The following CADM2 variants were observed in gnomAD, a reference collection of about 807,000 sequenced individuals.
CADM2 encodes the protein cell adhesion molecule 2.
Under a neutral mutation model 49.8 loss-of-function variants are expected in CADM2, and 12 were observed. The ratio of observed to expected loss-of-function variants is 0.24; its 90% CI spans 0.15 to 0.39. The LOEUF (loss-of-function observed/expected upper bound fraction) is 0.39. Ranked by LOEUF, CADM2 falls within the 10% of genes least tolerant of loss-of-function variation. The probability of loss-of-function intolerance (pLI) is 1.00; values close to 1 mark genes in which losing one functional copy is unlikely to be tolerated. For missense variants in CADM2, 378 were observed against 492.3 expected (o/e 0.77, Z 2.20); for synonymous variants, 214 against 175.4 (o/e 1.22, Z -1.74).
At position 85,916,729 on chromosome 3, in the gene CADM2, T is replaced by A. The variant is rs1282578588; in HGVS notation, c.700+4186T>A. Among the ~76,000 whole-genome samples the A allele has an allele frequency of 2.0e-5, 3 of 151,930 alleles. No individual in the cohort carries two copies. In the East Asian group the frequency reaches 5.8e-4, roughly 29 times the overall value. On this transcript the variant is annotated intron_variant, in intron 6 of 9. Transcript: ENST00000383699. ...GTCAAATGGTATTTCTAGTTCTAGA[T>A]CCCTGAGGAATCACCACACTGACTT...
intron 1 of CADM2, among the ~76,000 whole-genome samples, chr3:85,242,675 CA>C (rs1345360119): frequency 1.3e-5 from 2 of 151,678 alleles, no homozygotes; most frequent in Non-Finnish European, 3.0e-5. Context: ...ATCATTGATA[CA>C]CTGGTATTTT....
intron 7 of CADM2, among the ~76,000 whole-genome samples, chr3:85,942,221 A>T (rs1191940702): frequency 6.6e-6 from 1 of 151,066 alleles, no homozygotes; most frequent in African/African-American, 2.4e-5. Context: ...AATAGTTGTT[A>T]AAAAAAATAC....
chr3:85,354,339 T>G (rs1405095978), intron 1 of CADM2, among the ~76,000 whole-genome samples: 2 of 110,306 alleles, frequency 1.8e-5, no homozygotes, highest in South Asian at 3.1e-4. Context: ...AACATCACAC[T>G]CCGGGGACTG....
At chr3:85,608,313 A>C (rs1456640426) in intron 1 of CADM2, among the ~76,000 whole-genome samples, 2 of 152,176 alleles carry the variant, frequency 1.3e-5, no homozygotes, top group African/African-American at 4.8e-5. Flanking sequence ...AGGGCCACCT[A>C]TTAATTAAGT....
intron 1 of CADM2, among the ~76,000 whole-genome samples, chr3:85,033,129 G>A (rs902717373): frequency 1.3e-5 from 2 of 152,074 alleles, no homozygotes; most frequent in African/African-American, 4.8e-5. Context: ...CCATTCTTCT[G>A]TGCTATCATT....
intron 1 of CADM2, among the ~76,000 whole-genome samples, chr3:85,567,318 T>A (rs2062295208): frequency 6.6e-6 from 1 of 152,190 alleles, no homozygotes; most frequent in South Asian, 2.1e-4. Flanking sequence ...TTTACTGCCT[T>A]ACTTTTCCAT....
At chr3:85,862,971 A>G (rs1220533056) in intron 3 of CADM2, among the ~76,000 whole-genome samples, 7 of 152,132 alleles carry the variant, frequency 4.6e-5, no homozygotes, top group African/African-American at 1.4e-4. Flanking sequence ...TGGTTAGGAG[A>G]GGAAATGTTA....
chr3:85,888,061 T>A (rs1468456801), intron 5 of CADM2, among the ~76,000 whole-genome samples: 1 of 152,220 alleles, frequency 6.6e-6, no homozygotes, highest in Non-Finnish European at 1.5e-5. Flanking sequence ...CTTCAATGAA[T>A]TACTTTATTA....
intron 1 of CADM2, among the ~76,000 whole-genome samples, chr3:85,473,698 T>C (rs998434484): frequency 6.6e-6 from 1 of 152,132 alleles, no homozygotes; most frequent in African/African-American, 2.4e-5. Flanking sequence ...GAAATGAAGG[T>C]AGTGAAGAAC....
At chr3:85,823,473 C>T (rs988659125) in intron 3 of CADM2, among the ~76,000 whole-genome samples, 10 of 152,138 alleles carry the variant, frequency 6.6e-5, no homozygotes, top group Admixed American at 3.3e-4. Context: ...CCACAAACCA[C>T]ATTACTGATT....
chr3:85,062,637 A>T (rs1048697862), intron 1 of CADM2, among the ~76,000 whole-genome samples: 1 of 151,840 alleles, frequency 6.6e-6, no homozygotes, highest in Non-Finnish European at 1.5e-5. Flanking sequence ...TGACTTATCA[A>T]TATAAGGGGT....
chr3:85,824,088 C>T (rs2073765894), intron 3 of CADM2, among the ~76,000 whole-genome samples: 1 of 152,130 alleles, frequency 6.6e-6, no homozygotes, highest in African/African-American at 2.4e-5. Context: ...ACGTTTTTCA[C>T]CCAATCAAAA....
chr3:85,367,052 T>C (rs2032838254), intron 1 of CADM2, among the ~76,000 whole-genome samples: 1 of 152,014 alleles, frequency 6.6e-6, no homozygotes, highest in Non-Finnish European at 1.5e-5. Flanking sequence ...TATTTCTGTG[T>C]CAAAGAATAA....
At chr3:85,355,351 T>C (rs1381131963) in intron 1 of CADM2, among the ~76,000 whole-genome samples, 2 of 152,130 alleles carry the variant, frequency 1.3e-5, no homozygotes, top group Non-Finnish European at 2.9e-5. Flanking sequence ...TGAGGCATGG[T>C]GAGCACCTAT....
chr3:85,650,762 T>C (rs993920145), intron 1 of CADM2, among the ~76,000 whole-genome samples: 3 of 151,810 alleles, frequency 2.0e-5, no homozygotes, highest in African/African-American at 7.3e-5. Flanking sequence ...ATGATATGAT[T>C]ACAGGTGATT....
chr3:86,063,826 T>C (rs1179594910), intron 8 of CADM2, among the ~76,000 whole-genome samples: 1 of 152,110 alleles, frequency 6.6e-6, no homozygotes, highest in Admixed American at 6.6e-5. Flanking sequence ...GTTAAATAGA[T>C]CTGTAAATTA....
At chr3:85,771,633 A>C (rs550401590) in intron 2 of CADM2, among the ~76,000 whole-genome samples, 36 of 152,254 alleles carry the variant, frequency 2.4e-4, no homozygotes, top group Non-Finnish European at 4.4e-4. Context: ...CTAGGTAGGA[A>C]TGAACAAAGG....
rs530964654 is a variant in CADM2 at position 85,285,956 on chromosome 3, A to G, written c.61+326288A>G. On this transcript the variant is annotated intron_variant, in intron 1 of 9. Coordinates refer to ENST00000383699, the MANE Select transcript of CADM2 (RefSeq NM_001167675.2). Reference sequence around the variant, plus strand: ...AGAAAATCAAAGCCTGAAAATGGAAATGTTGTACTTTTACTTAACCTTAGA... The same window carrying G: ...AGAAAATCAAAGCCTGAAAATGGAAGTGTTGTACTTTTACTTAACCTTAGA... 7.9e-5 allele frequency among the ~76,000 whole-genome samples: 12 copies of G among 152,236 alleles called. No homozygotes were observed. In the South Asian group the frequency reaches 2.5e-3, roughly 32 times the overall value.
chr3:86,063,623 T>C (rs771178095), intron 8 of CADM2, among the ~76,000 whole-genome samples: 15 of 151,978 alleles, frequency 9.9e-5, no homozygotes, highest in South Asian at 2.1e-4. Context: ...AGTTTAGGTG[T>C]CTAGACGTTG....
Sources: allele counts gnomAD v4.1 joint callset (sites outside exome capture counted in the v4.1 genomes callset), GRCh38; gene constraint gnomAD v4.1.1; transcripts MANE v1.5; gene names NCBI Gene and HGNC (gene_info 2026-07-23, HGNC 2026-07-21).